Variants in RAPGEF1 observed in about 807,000 individuals in gnomAD.
The protein encoded by RAPGEF1 is CRK SH3-binding GNRP.
Under a neutral mutation model 143.3 loss-of-function variants are expected in RAPGEF1, and 33 were observed. That is an observed-to-expected ratio of 0.23 (90% CI 0.17 to 0.31). The LOEUF (loss-of-function observed/expected upper bound fraction) is 0.31. Ranked by LOEUF, RAPGEF1 falls within the 10% of genes least tolerant of loss-of-function variation. The pLI, the probability that RAPGEF1 is intolerant of heterozygous loss-of-function variation, is 1.00. For synonymous variants in RAPGEF1, 629 were observed against 676.5 expected, an observed-to-expected ratio of 0.93 and a Z score of 1.09; for missense variants, 1,199 against 1,645.4, an observed-to-expected ratio of 0.73 and a Z score of 4.69.
intron 15 of RAPGEF1, 174 bp from the exon 16 acceptor site, chr9:131,598,484 TG>T: frequency 1.4e-6 from 1 of 701,834 alleles, no homozygotes; most frequent in Non-Finnish European, 2.6e-6. Context: ...ACTGGCTGTG[TG>T]GCCATAGGAC....
In RAPGEF1 at chr9:131,580,289, G is replaced by A. The variant is rs762539141; in HGVS notation, c.3615C>T (p.Leu1205=). ...CCTGCTGGAAGCAGCGCATGCTGTC[G>A]AGGATGTTGAACTGCTGCCACCGCT... ...FSKRWQQFNI[L]DSMRCFQQAH... is the part of the protein sequence containing the mutation. The change falls in exon 26 of 27, where the codon CTC becomes CTT. Residue 1205 remains leucine, a synonymous_variant. Transcript: ENST00000683357. 2.6e-5 allele frequency: 42 copies of A among 1,613,876 alleles called. No homozygotes were observed. Among genetic ancestry groups the A allele is most frequent in the Middle Eastern group, 1.6e-4 (1 of 6,082 alleles).
chr9:131,739,675 C>T (rs1837629744), intron 1 of RAPGEF1, 95 bp downstream of exon 1: 3 of 918,508 alleles, frequency 3.3e-6, no homozygotes, highest in Non-Finnish European at 2.6e-6. Context: ...GCACGGAGGG[C>T]CGCACATCCC....
intron 12 of RAPGEF1, among the ~76,000 whole-genome samples, chr9:131,606,111 C>T (rs1008110402): frequency 2.0e-5 from 3 of 152,132 alleles, no homozygotes; most frequent in African/African-American, 7.2e-5. Flanking sequence ...AGCTTTGATG[C>T]CACCTTGTAG....
chr9:131,716,377 C>T (rs1835864849), intron 1 of RAPGEF1, among the ~76,000 whole-genome samples: 1 of 152,222 alleles, frequency 6.6e-6, no homozygotes, highest in South Asian at 2.1e-4. Context: ...AAAGTCAGGA[C>T]TTGGCCAGGA....
chr9:131,705,172 C>T (rs1320810625), intron 1 of RAPGEF1, among the ~76,000 whole-genome samples: 1 of 152,230 alleles, frequency 6.6e-6, no homozygotes, highest in Non-Finnish European at 1.5e-5. Flanking sequence ...TGCACGTCCA[C>T]TGTGCACTGT....
intron 4 of RAPGEF1, among the ~76,000 whole-genome samples, chr9:131,640,680 G>A (rs545254551): frequency 7.9e-5 from 12 of 152,298 alleles, no homozygotes; most frequent in African/African-American, 2.9e-4. Flanking sequence ...CCAGCTGCTT[G>A]TTGGAGGCCA....
intron 1 of RAPGEF1, among the ~76,000 whole-genome samples, chr9:131,703,560 G>C (rs1564183876): frequency 6.6e-6 from 1 of 152,132 alleles, no homozygotes; most frequent in African/African-American, 2.4e-5. Flanking sequence ...TTGCAGATGA[G>C]GAAATTGAGG....
At chr9:131,640,441 C>T (rs1259772373) in intron 4 of RAPGEF1, among the ~76,000 whole-genome samples, 1 of 152,234 alleles carries the variant, frequency 6.6e-6, no homozygotes, top group Non-Finnish European at 1.5e-5. Context: ...GAATTATGTC[C>T]AGCCTTCCCG....
At chr9:131,598,336 C>G in intron 15 of RAPGEF1, 26 bp from the exon 16 acceptor site, 3 of 1,598,500 alleles carry the variant, frequency 1.9e-6, no homozygotes, top group Non-Finnish European at 2.6e-6. Context: ...GTTTGTGTTG[C>G]AAGTGTCAAA....
intron 1 of RAPGEF1, among the ~76,000 whole-genome samples, chr9:131,719,848 A>G (rs1036975527): frequency 4.7e-5 from 7 of 149,476 alleles, no homozygotes; most frequent in Non-Finnish European, 8.9e-5. Context: ...TCATCTGACT[A>G]TTGCCCACAC....
rs978830907 is a variant in RAPGEF1, at chr9:131,583,558, C to A, written c.3414+753G>T. ...GGTCCCTGACACAATCCCTGGGTGG[C>A]CTGGCTGAACTTGGGTCCCTGACAT... On this transcript the variant is annotated intron_variant, in intron 24 of 26. Coordinates refer to ENST00000683357, the MANE Select transcript of RAPGEF1 (RefSeq NM_001377935.1). This position sits in a 1 kb window ranked among gnomAD's most constrained non-coding sequence, Gnocchi z 4.7. Among the ~76,000 whole-genome samples the A allele has an allele frequency of 4.6e-5, 7 of 151,512 alleles. 1 individual carries two copies. The highest frequency in any genetic ancestry group is 1.7e-4 in the African/African-American group (7 of 41,262).
intron 12 of RAPGEF1, among the ~76,000 whole-genome samples, chr9:131,616,183 C>G (rs1318148729): frequency 6.6e-6 from 1 of 152,058 alleles, no homozygotes; most frequent in Non-Finnish European, 1.5e-5. Flanking sequence ...CAGGAGAACG[C>G]TTGAACCTGG....
At chr9:131,609,027 A>G (rs1347742130) in intron 12 of RAPGEF1, among the ~76,000 whole-genome samples, 1 of 152,120 alleles carries the variant, frequency 6.6e-6, no homozygotes, top group East Asian at 1.9e-4. Context: ...TAGCCAGAAT[A>G]AGACTGTTTG....
At chr9:131,617,134 A>G (rs1384281244) in intron 12 of RAPGEF1, among the ~76,000 whole-genome samples, 1 of 152,254 alleles carries the variant, frequency 6.6e-6, no homozygotes, top group African/African-American at 2.4e-5. Context: ...CAGTTCATTC[A>G]TAGTCCTCTA....
chr9:131,674,041 G>GAGCAGA (rs1564675702), intron 1 of RAPGEF1, among the ~76,000 whole-genome samples: 1 of 152,190 alleles, frequency 6.6e-6, no homozygotes, highest in African/African-American at 2.4e-5. Context: ...AGAATGATGC[G>GAGCAGA]AGCAGAGAGT....
chr9:131,644,370 T>C (rs144792678), intron 3 of RAPGEF1, among the ~76,000 whole-genome samples: 26 of 150,268 alleles, frequency 1.7e-4, no homozygotes, highest in African/African-American at 6.3e-4. Flanking sequence ...TCTGAACCTG[T>C]TCTGGTTTGG....
intron 1 of RAPGEF1, among the ~76,000 whole-genome samples, chr9:131,681,605 C>A (rs756631869): frequency 2.0e-5 from 3 of 152,186 alleles, no homozygotes; most frequent in Non-Finnish European, 2.9e-5. Context: ...TCAGTTCTTA[C>A]AATTTAAAAC....
chr9:131,581,847 T>C (rs897730673), intron 25 of RAPGEF1, among the ~76,000 whole-genome samples: 1 of 152,104 alleles, frequency 6.6e-6, no homozygotes, highest in African/African-American at 2.4e-5. Flanking sequence ...AGAGCCACAG[T>C]GGGAAAGACT....
At chr9:131,674,296 C>T (rs892837972) in intron 1 of RAPGEF1, among the ~76,000 whole-genome samples, 3 of 152,164 alleles carry the variant, frequency 2.0e-5, no homozygotes, top group African/African-American at 4.8e-5. Flanking sequence ...TGGGGCTTAC[C>T]GCTTTCAACA....
Sources: gnomAD v4.1 joint callset for allele counts (sites outside exome capture counted in the v4.1 genomes callset) on GRCh38, gnomAD v4.1.1 for gene constraint, Gnocchi (gnomAD v3.1) non-coding constraint, MANE v1.5 for transcripts, NCBI Gene and HGNC (gene_info 2026-07-23, HGNC 2026-07-21) for gene names.